Variants in SRRM4 observed in about 807,000 individuals in gnomAD.
SRRM4 encodes the protein serine/arginine repetitive matrix protein 4.
In SRRM4, 33 loss-of-function variants were observed where a neutral mutation model predicts 68.9. The observed-to-expected ratio is 0.48, with a 90% CI of 0.36 to 0.64. The LOEUF is 0.64. Ranked by LOEUF, SRRM4 falls within the 30% of genes least tolerant of loss-of-function variation. SRRM4 has a pLI of 0.00. For missense variants in SRRM4, 817 were observed against 827.1 expected (o/e 0.99, Z 0.15); for synonymous variants, 318 against 318.8 (o/e 1.00, Z 0.03).
chr12:119,027,971 T>C (rs1158023395), intron 1 of SRRM4, among the ~76,000 whole-genome samples: 2 of 152,204 alleles, frequency 1.3e-5, no homozygotes, highest in Non-Finnish European at 2.9e-5. Context: ...ATAGCAAAGA[T>C]TCTTAAACAT....
chr12:119,052,792 G>T (rs1463727746), intron 1 of SRRM4, among the ~76,000 whole-genome samples: 2 of 152,180 alleles, frequency 1.3e-5, no homozygotes, highest in African/African-American at 2.4e-5. Context: ...GCCTCCCAAA[G>T]TGCTGGGATT....
intron 8 of SRRM4, among the ~76,000 whole-genome samples, chr12:119,134,614 G>A (rs922415649): frequency 2.6e-5 from 4 of 152,114 alleles, no homozygotes; most frequent in African/African-American, 9.7e-5. Flanking sequence ...AGTCAACCTA[G>A]CCATCCCTTC....
Position 119,103,833 on chromosome 12 carries a change from G to A in SRRM4, c.278+1451G>A, listed in dbSNP as rs568408810. Among the ~76,000 whole-genome samples the A allele has an allele frequency of 7.9e-5, 12 of 152,194 alleles. No homozygotes were observed. The South Asian group carries it at 1.0e-3, about 13-fold the overall frequency. On this transcript the variant is annotated intron_variant, in intron 2 of 12. Coordinates refer to ENST00000267260, the MANE Select transcript of SRRM4 (RefSeq NM_194286.4). ...GCCTGGCCAACATGGTGAAACCCTTGTCTCTGCTAAAAATACAAAAATTAG... is the reference window on the plus strand; with the variant it reads ...GCCTGGCCAACATGGTGAAACCCTTATCTCTGCTAAAAATACAAAAATTAG...
At chr12:119,088,784 G>A (rs1953995786) in intron 1 of SRRM4, among the ~76,000 whole-genome samples, 2 of 152,164 alleles carry the variant, frequency 1.3e-5, no homozygotes, top group South Asian at 2.1e-4. Context: ...AAGGCACTCT[G>A]GGCAGAGGGA....
chr12:119,012,774 T>C (rs763502376), intron 1 of SRRM4, among the ~76,000 whole-genome samples: 1 of 152,222 alleles, frequency 6.6e-6, no homozygotes, highest in Non-Finnish European at 1.5e-5. Flanking sequence ...TGTGGTCAGA[T>C]ACTTCTCACT....
intron 7 of SRRM4, 125 bp from the exon 8 acceptor site, chr12:119,130,553 A>T: frequency 1.2e-6 from 1 of 849,626 alleles, no homozygotes; most frequent in Non-Finnish European, 1.7e-6. Flanking sequence ...GAACAATATC[A>T]CATATGAACA....
At chr12:119,153,403 G>C in intron 10 of SRRM4, 136 bp from the exon 11 acceptor site, 1 of 609,766 alleles carries the variant, frequency 1.6e-6, no homozygotes. Context: ...TCTTTGATCG[G>C]GGCCCAGTTC....
chr12:119,048,497 T>C (rs1953721581), intron 1 of SRRM4, among the ~76,000 whole-genome samples: 1 of 152,188 alleles, frequency 6.6e-6, no homozygotes, highest in Non-Finnish European at 1.5e-5. Context: ...AAGTCCCTCC[T>C]AGTGTTTAAG....
At chr12:119,127,808 C>A (rs1361410319) in intron 7 of SRRM4, among the ~76,000 whole-genome samples, 1 of 151,894 alleles carries the variant, frequency 6.6e-6, no homozygotes, top group African/African-American at 2.4e-5. Flanking sequence ...AAAGAGGAGG[C>A]AGGAGAGGAA....
At position 118,992,218 on chromosome 12, in the gene SRRM4, C is replaced by G. The variant is rs572089308; in HGVS notation, c.131+10205C>G. 75 of 152,288 alleles carry G rather than the reference C, an allele frequency of 4.9e-4. 1 individual carries two copies. The highest frequency in any genetic ancestry group is 1.7e-3 in the African/African-American group (69 of 41,566). 9.4% of individuals were successfully genotyped at this position (152,288 alleles called of 1,614,324 possible). On this transcript the variant is annotated intron_variant, in intron 1 of 12. Coordinates refer to ENST00000267260, the MANE Select transcript of SRRM4 (RefSeq NM_194286.4). ...GTAGTCTGCAGGTGAGCTCTGGGTT[C>G]AGAGAAGTGATGTTTGCCCAACGTC...
At chr12:119,009,467 GT>G (rs1189754007) in intron 1 of SRRM4, among the ~76,000 whole-genome samples, 3 of 152,176 alleles carry the variant, frequency 2.0e-5, no homozygotes. Context: ...TCTGACTGGG[GT>G]TACCCACATG....
At chr12:119,010,699 C>G (rs1305878771) in intron 1 of SRRM4, among the ~76,000 whole-genome samples, 3 of 152,180 alleles carry the variant, frequency 2.0e-5, no homozygotes, top group Non-Finnish European at 2.9e-5. Context: ...TTGATGTCAA[C>G]ACTAAAGGAA....
intron 6 of SRRM4, 40 bp from the exon 7 acceptor site, chr12:119,125,341 C>T (rs375955166): frequency 1.5e-5 from 24 of 1,554,732 alleles, no homozygotes; most frequent in Non-Finnish European, 2.0e-5. Context: ...TTTACTCTCT[C>T]TCTCCTCTCC....
At chr12:119,050,151 C>T (rs1953733365) in intron 1 of SRRM4, among the ~76,000 whole-genome samples, 1 of 152,176 alleles carries the variant, frequency 6.6e-6, no homozygotes. Context: ...GACAGCAACC[C>T]TCTCCCACAA....
intron 1 of SRRM4, among the ~76,000 whole-genome samples, chr12:118,984,471 G>C (rs1464899728): frequency 1.3e-5 from 2 of 152,164 alleles, no homozygotes; most frequent in Non-Finnish European, 2.9e-5. Flanking sequence ...GCAGTCTGCA[G>C]GGGGATGGCA....
rs527277806 is a variant in SRRM4 at position 119,038,070 on chromosome 12, T to G, written c.131+56057T>G. On this transcript the variant is annotated intron_variant, in intron 1 of 12. Transcript: ENST00000267260. ...AACTACTATGGGCCATGCACTTTGC[T>G]GGGTGCTGGGGACACAGCAAAGATC... Among the ~76,000 whole-genome samples, 46 of 152,352 alleles carry G rather than the reference T, an allele frequency of 3.0e-4. No homozygotes were observed. In the South Asian group the frequency reaches 3.5e-3, roughly 12 times the overall value.
At chr12:118,994,797 G>A (rs1953338793) in intron 1 of SRRM4, among the ~76,000 whole-genome samples, 1 of 152,194 alleles carries the variant, frequency 6.6e-6, no homozygotes, top group African/African-American at 2.4e-5. Context: ...GTATGACTGA[G>A]TATTTGCAAT....
Position 119,116,982 on chromosome 12 carries a change from A to G in SRRM4, c.411A>G (p.Lys137=), listed in dbSNP as rs771021137. ...CGCCTGTCAAGAAAAAGAAGAAGAA[A>G]AGTTCCAAGAAACACAAGCGACGCA... ...SPSPVKKKKK[K]SSKKHKRRRS... Residue 137 remains lysine (K), a synonymous_variant, in exon 4 of 13, where the codon AAA becomes AAG. Coordinates refer to ENST00000267260, the MANE Select transcript of SRRM4 (RefSeq NM_194286.4). 1.9e-6 allele frequency: 3 copies of G among 1,613,656 alleles called. No homozygotes were observed. In the Admixed American group the frequency reaches 5.0e-5, roughly 27 times the overall value.
At chr12:119,106,989 T>C (rs1290942933) in intron 2 of SRRM4, among the ~76,000 whole-genome samples, 2 of 152,232 alleles carry the variant, frequency 1.3e-5, no homozygotes, top group African/African-American at 4.8e-5. Context: ...GTCCCATCCA[T>C]ACCTAGTTTA....
Sources: gnomAD v4.1 joint callset for allele counts (sites outside exome capture counted in the v4.1 genomes callset) on GRCh38, gnomAD v4.1.1 for gene constraint, MANE v1.5 for transcripts, NCBI Gene and HGNC (gene_info 2026-07-23, HGNC 2026-07-21) for gene names.